Variants in HHIPL2 observed in about 807,000 individuals in gnomAD.
The protein encoded by HHIPL2 is HHIP-like protein 2.
Under a neutral mutation model 61.0 loss-of-function variants are expected in HHIPL2, and 61 were observed. The ratio of observed to expected loss-of-function variants is 1.00; its 90% CI spans 0.81 to 1.24. The LOEUF (loss-of-function observed/expected upper bound fraction) is 1.24, where lower values mean the gene tolerates loss of function less well. Ranked by LOEUF, HHIPL2 falls within the 50% of genes most tolerant of loss-of-function variation. The pLI, the probability that HHIPL2 is intolerant of heterozygous loss-of-function variation, is 0.00. For synonymous variants in HHIPL2, 343 were observed against 357.4 expected (o/e 0.96, Z 0.45); for missense variants, 885 against 910.2 (o/e 0.97, Z 0.36).
rs371367535 is a variant in HHIPL2 at position 222,543,987 on chromosome 1, G to A, written c.524C>T (p.Pro175Leu). 10 of 1,614,186 alleles carry A rather than the reference G, an allele frequency of 6.2e-6. No homozygotes were observed. Among genetic ancestry groups the A allele is most frequent in the Non-Finnish European group, 8.5e-6 (10 of 1,180,046 alleles). ...ATTAGGGAAGCAATAGTCCTTGTCA[G>A]GAAGGTCCAGGAGGTGGCAGAAGCG... ...GTRFCHLLDL[P>L]DKDYCFPNVL... The change falls in exon 2 of 9, where the codon CCT becomes CTT. Residue 175 changes from proline (P) to leucine (L), a missense_variant. Pro to Leu is a moderately conservative substitution (Grantham distance 98, BLOSUM62 -3). Transcript: ENST00000343410.
intron 5 of HHIPL2, among the ~76,000 whole-genome samples, chr1:222,534,285 AAAG>A (rs1474467950): frequency 6.6e-6 from 1 of 152,258 alleles, no homozygotes; most frequent in Non-Finnish European, 1.5e-5. Context: ...TGAGGCAAGT[AAAG>A]AAGGAGGAGA....
intron 2 of HHIPL2, 47 bp from the exon 3 acceptor site, chr1:222,542,202 A>C: frequency 6.2e-7 from 1 of 1,600,936 alleles, no homozygotes; most frequent in Non-Finnish European, 8.5e-7. Flanking sequence ...ACACAAGCTG[A>C]AGCTGCATCC....
At chr1:222,544,654 C>A (rs1659517818) in intron 1 of HHIPL2, among the ~76,000 whole-genome samples, 1 of 152,132 alleles carries the variant, frequency 6.6e-6, no homozygotes, top group Non-Finnish European at 1.5e-5. Context: ...CATGAGCCAC[C>A]ATGTCGGCCC....
chr1:222,531,483 C>T (rs1007619845), intron 6 of HHIPL2, among the ~76,000 whole-genome samples: 1 of 152,226 alleles, frequency 6.6e-6, no homozygotes, highest in Admixed American at 6.5e-5. Context: ...CGCGGTGGCT[C>T]ACGCCTGTAA....
At chr1:222,531,139 C>T (rs1659179684) in intron 6 of HHIPL2, among the ~76,000 whole-genome samples, 1 of 152,134 alleles carries the variant, frequency 6.6e-6, no homozygotes, top group Non-Finnish European at 1.5e-5. Flanking sequence ...GAGCAACCTC[C>T]TACCTAGATG....
intron 5 of HHIPL2, among the ~76,000 whole-genome samples, chr1:222,538,049 T>C (rs1479902939): frequency 1.3e-5 from 2 of 152,110 alleles, no homozygotes; most frequent in Admixed American, 6.5e-5. Flanking sequence ...TACTGATACA[T>C]GGAACAACAT....
At chr1:222,538,480 ATGGAAGTGTTC>A (rs1659354342) in intron 5 of HHIPL2, among the ~76,000 whole-genome samples, 157 bp downstream of exon 5, 1 of 151,952 alleles carries the variant, frequency 6.6e-6, no homozygotes, top group African/African-American at 2.4e-5. Context: ...TTCTAGGGTG[ATGGAAGTGTTC>A]TGCCTCTTGA....
rs1403032882 is a variant in HHIPL2 at position 222,548,070 on chromosome 1, C to T, written c.-26G>A. The T allele has an allele frequency of 2.0e-6, 3 of 1,509,264 alleles. No homozygotes were observed. The highest frequency in any genetic ancestry group is 4.1e-5 in the Admixed American group (2 of 49,376). The allele number at this position is 1,509,264 out of a possible 1,614,324, so 93.5% of individuals were successfully genotyped here. On this transcript the variant is annotated 5_prime_UTR_variant, in exon 1 of 9. Transcript: ENST00000343410. The stretch of plus-strand genomic sequence containing the variant: ...TTTGGCCTTGGGAACACTCGGGCTG[C>T]TGTGTTTGCTCAGGTTGGCTTCCCT...
rs956701605 is a variant in HHIPL2 at position 222,522,379 on chromosome 1, A to C, written c.*222T>G. On this transcript the variant is annotated 3_prime_UTR_variant, in exon 9 of 9. Coordinates refer to ENST00000343410, the MANE Select transcript of HHIPL2 (RefSeq NM_024746.4). ...CTAGTGCTTACCATAACCCAGGTGCACCAGCAATCTGGGATATGGTCTCCC... is the reference window on the plus strand; with the variant it reads ...CTAGTGCTTACCATAACCCAGGTGCCCCAGCAATCTGGGATATGGTCTCCC... 1.7e-6 allele frequency: 1 copy of C among 582,462 alleles called. No homozygotes were observed. Among genetic ancestry groups the C allele is most frequent in the Admixed American group, 3.0e-5 (1 of 33,394 alleles). 36.1% of individuals were successfully genotyped at this position (582,462 alleles called of 1,614,324 possible).
rs756067837 is a variant in HHIPL2 at position 222,540,031 on chromosome 1, G to A, written c.1429C>T (p.Leu477Phe). Residue 477 changes from leucine to phenylalanine, a missense_variant, in exon 4 of 9, where the codon CTT becomes TTT. By Grantham distance (22) the Leu-to-Phe change is conservative. Coordinates refer to ENST00000343410, the MANE Select transcript of HHIPL2 (RefSeq NM_024746.4). ...TTACCCAAAGAGGCATTGTGACAAA[G>A]TTTTTTGTCATAACATGCAAACCCT... ...KEGFACYDKK[L>F]CHNASLDDVL... 5.0e-6 allele frequency: 8 copies of A among 1,614,030 alleles called. No individual in the cohort carries two copies. The South Asian group carries it at 6.6e-5, about 13-fold the overall frequency.
At chr1:222,524,227 C>T (rs114105749) in intron 7 of HHIPL2, 3,413 of 154,770 alleles carry the variant, frequency 0.022, 58 homozygotes, top group Non-Finnish European at 0.035. Context: ...CACACACATT[C>T]TTAAACTGCT....
At chr1:222,531,936 A>C in intron 6 of HHIPL2, 30 bp downstream of exon 6, 1 of 1,564,754 alleles carries the variant, frequency 6.4e-7, no homozygotes, top group Non-Finnish European at 8.7e-7. Context: ...TCTAGTAAGC[A>C]GAAATCAAAC....
In HHIPL2 at chr1:222,544,000, G is replaced by T; in HGVS notation, c.511C>A (p.Leu171Ile). Residue 171 changes from leucine (L) to isoleucine (I), a missense_variant, in exon 2 of 9, where the codon CTC becomes ATC. Transcript: ENST00000343410. ...TAGTCCTTGTCAGGAAGGTCCAGGA[G>T]GTGGCAGAAGCGGGTACCGTCCCTT... ...HGRDGTRFCH[L>I]LDLPDKDYCF... The T allele has an allele frequency of 6.2e-7, 1 of 1,614,174 alleles. No homozygotes were observed. Among genetic ancestry groups the T allele is most frequent in the Non-Finnish European group, 8.5e-7 (1 of 1,180,032 alleles).
intron 1 of HHIPL2, 70 bp downstream of exon 1, chr1:222,547,654 C>T (rs1571781467): frequency 7.3e-7 from 1 of 1,371,326 alleles, no homozygotes; most frequent in Admixed American, 1.9e-5. Flanking sequence ...CCCAAAGCAC[C>T]CTCCGCTCAG....
chr1:222,523,971 C>T (rs1456192690), intron 7 of HHIPL2: 1 of 441,104 alleles, frequency 2.3e-6, no homozygotes, highest in Non-Finnish European at 4.1e-6. Flanking sequence ...TCCTGGTAAC[C>T]AGGGGCAAAA....
At chr1:222,545,105 G>A (rs902123751) in intron 1 of HHIPL2, among the ~76,000 whole-genome samples, 9 of 152,126 alleles carry the variant, frequency 5.9e-5, no homozygotes, top group Non-Finnish European at 2.9e-5. Flanking sequence ...GCAGACGAGC[G>A]ACTCCCAGTA....
At chr1:222,535,050 T>C (rs1183106582) in intron 5 of HHIPL2, among the ~76,000 whole-genome samples, 13 of 151,702 alleles carry the variant, frequency 8.6e-5, no homozygotes, top group Non-Finnish European at 1.8e-4. Context: ...ACAAAACTAA[T>C]GATAAAGAGA....
At chr1:222,527,458 T>A (rs1218617368) in intron 6 of HHIPL2, among the ~76,000 whole-genome samples, 1 of 152,196 alleles carries the variant, frequency 6.6e-6, no homozygotes, top group African/African-American at 2.4e-5. Flanking sequence ...CGCTTTATTT[T>A]GCCCCTTCTT....
intron 4 of HHIPL2, among the ~76,000 whole-genome samples, chr1:222,539,597 C>CCTA (rs892487809): frequency 1.3e-5 from 2 of 151,490 alleles, no homozygotes; most frequent in Non-Finnish European, 2.9e-5. Flanking sequence ...CTCTTACTTG[C>CCTA]CTATGTGCAG....
Sources: gnomAD v4.1 joint callset for allele counts (sites outside exome capture counted in the v4.1 genomes callset) on GRCh38, gnomAD v4.1.1 for gene constraint, MANE v1.5 for transcripts, NCBI Gene and HGNC (gene_info 2026-07-23, HGNC 2026-07-21) for gene names.